The following NELL1 variants were observed in gnomAD, a reference collection of about 807,000 sequenced individuals.
NELL1 encodes the protein protein kinase C-binding protein NELL1.
In NELL1, 76 loss-of-function variants were observed where a neutral mutation model predicts 107.4. The ratio of observed to expected loss-of-function variants is 0.71; its 90% CI spans 0.59 to 0.86. NELL1 has a LOEUF of 0.86. Among genes scored for constraint, NELL1 ranks in the 40% least tolerant of loss-of-function variants. The pLI is 0.00. For missense variants in NELL1, 1,024 were observed against 1,005.5 expected (o/e 1.02, Z -0.25); for synonymous variants, 353 against 341.2 (o/e 1.03, Z -0.38).
At chr11:21,382,577 C>A (rs1449107934) in intron 15 of NELL1, among the ~76,000 whole-genome samples, 1 of 151,742 alleles carries the variant, frequency 6.6e-6, no homozygotes, top group Non-Finnish European at 1.5e-5. Context: ...TATATTATAT[C>A]AAGAATGGGG....
At chr11:20,872,565 A>G (rs1294583641) in intron 4 of NELL1, among the ~76,000 whole-genome samples, 3 of 152,094 alleles carry the variant, frequency 2.0e-5, no homozygotes, top group Non-Finnish European at 4.4e-5. Context: ...TGCCTAGTAA[A>G]GTTTGGGAAT....
intron 2 of NELL1, among the ~76,000 whole-genome samples, chr11:20,755,550 G>GTTGT (rs1856250187): frequency 8.7e-6 from 1 of 114,568 alleles, no homozygotes; most frequent in African/African-American, 4.5e-5. Context: ...GTTTTTTTTT[G>GTTGT]TTTTTGTTTT....
At chr11:21,410,790 G>C (rs892228392) in intron 15 of NELL1, among the ~76,000 whole-genome samples, 4 of 152,040 alleles carry the variant, frequency 2.6e-5, no homozygotes, top group African/African-American at 9.7e-5. Flanking sequence ...AGTGTGCCTG[G>C]TGAACTGCCT....
chr11:21,546,882 A>G lies in NELL1; in HGVS notation c.1786+12368A>G, dbSNP rs181822610. ...TGTGGGTTTATGAGCAGGGAATATT[A>G]AACTATAGTATTCAGACCAATTAAA... On this transcript the variant is annotated intron_variant, in intron 16 of 19. Transcript: ENST00000357134. Among the ~76,000 whole-genome samples the G allele has an allele frequency of 2.5e-4, 38 of 152,158 alleles. No individual in the cohort carries two copies. The East Asian group carries it at 7.2e-3, about 29-fold the overall frequency.
At chr11:21,529,731 A>G (rs1471843283) in intron 15 of NELL1, among the ~76,000 whole-genome samples, 1 of 152,042 alleles carries the variant, frequency 6.6e-6, no homozygotes, top group Non-Finnish European at 1.5e-5. Flanking sequence ...ATTATTATAT[A>G]TATTTTTATT....
chr11:20,983,041 C>T (rs1045956899), intron 12 of NELL1, among the ~76,000 whole-genome samples: 1 of 152,104 alleles, frequency 6.6e-6, no homozygotes, highest in African/African-American at 2.4e-5. Flanking sequence ...AAGAGACCTT[C>T]AGATCAGTAA....
intron 15 of NELL1, among the ~76,000 whole-genome samples, chr11:21,394,730 A>G (rs1851946243): frequency 6.6e-6 from 1 of 151,640 alleles, no homozygotes; most frequent in East Asian, 2.0e-4. Context: ...AGTCTCTACT[A>G]GTGTCACTAA....
chr11:21,313,938 A>T (rs916023915), intron 14 of NELL1, among the ~76,000 whole-genome samples: 6 of 145,414 alleles, frequency 4.1e-5, no homozygotes, highest in Admixed American at 1.4e-4. Context: ...TGTTCTTGTG[A>T]TAGTAAGTTC....
intron 2 of NELL1, among the ~76,000 whole-genome samples, chr11:20,778,123 G>T (rs1457069589): frequency 6.6e-6 from 1 of 152,152 alleles, no homozygotes; most frequent in Non-Finnish European, 1.5e-5. Flanking sequence ...CTCCTGCCTA[G>T]TAAGTGCTTA....
At chr11:21,380,600 C>T (rs1356044269) in intron 15 of NELL1, among the ~76,000 whole-genome samples, 2 of 152,084 alleles carry the variant, frequency 1.3e-5, no homozygotes, top group East Asian at 3.9e-4. Flanking sequence ...AGCATACTTC[C>T]CTTGGATGAA....
chr11:21,285,203 G>C (rs1204266386), intron 14 of NELL1, among the ~76,000 whole-genome samples: 1 of 152,086 alleles, frequency 6.6e-6, no homozygotes, highest in Non-Finnish European at 1.5e-5. Context: ...AATGAATTGA[G>C]GACATTCTTA....
At chr11:21,086,556 G>C in intron 12 of NELL1, among the ~76,000 whole-genome samples, 1 of 152,230 alleles carries the variant, frequency 6.6e-6, no homozygotes, top group Non-Finnish European at 1.5e-5. Context: ...ATTGGCTTCT[G>C]TCGTTGGATT....
intron 14 of NELL1, among the ~76,000 whole-genome samples, chr11:21,344,949 T>C (rs116435112): frequency 0.018 from 2,688 of 152,324 alleles, 72 homozygotes; most frequent in African/African-American, 0.06. Context: ...ATAATTTTTA[T>C]TGAAGTCTTT....
At chr11:21,559,196 G>C (rs1052755447) in intron 16 of NELL1, among the ~76,000 whole-genome samples, 1 of 152,086 alleles carries the variant, frequency 6.6e-6, no homozygotes, top group Non-Finnish European at 1.5e-5. Context: ...TGCATAGCAG[G>C]TAAACCAAAA....
chr11:20,674,431 G>A, intron 1 of NELL1: 1 of 1,347,998 alleles, frequency 7.4e-7, no homozygotes, highest in Non-Finnish European at 1.0e-6. Context: ...TGAGTCTGGT[G>A]TAACAGGTAC....
intron 15 of NELL1, among the ~76,000 whole-genome samples, chr11:21,493,566 A>C (rs1012174056): frequency 6.6e-6 from 1 of 152,058 alleles, no homozygotes; most frequent in Non-Finnish European, 1.5e-5. Flanking sequence ...TAGAGTATAG[A>C]ATGATAGATA....
Position 21,178,505 on chromosome 11 carries a change from A to C in NELL1, c.1427-50827A>C, listed in dbSNP as rs183737440. 8.6e-5 allele frequency among the ~76,000 whole-genome samples: 13 copies of C among 151,824 alleles called. No homozygotes were observed. In the East Asian group the frequency reaches 1.2e-3, roughly 14 times the overall value. On this transcript the variant is annotated intron_variant, in intron 13 of 19. Coordinates refer to ENST00000357134, the MANE Select transcript of NELL1 (RefSeq NM_006157.5). ...TCTTTGGGTGGGAATCGTAGCTCAC[A>C]CCTGTAATCTCAGCGCTTTGGGAGG...
intron 2 of NELL1, among the ~76,000 whole-genome samples, chr11:20,775,363 T>C (rs1042335016): frequency 3.3e-5 from 5 of 152,262 alleles, no homozygotes; most frequent in Non-Finnish European, 7.3e-5. Context: ...ATCATTATAT[T>C]ACAATATATA....
At chr11:20,999,744 C>T (rs1480695541) in intron 12 of NELL1, among the ~76,000 whole-genome samples, 2 of 148,366 alleles carry the variant, frequency 1.3e-5, no homozygotes, top group African/African-American at 2.5e-5. Flanking sequence ...GCCCCAACTT[C>T]GCTTGAGTCT....
Sources: gnomAD v4.1 joint callset for allele counts (sites outside exome capture counted in the v4.1 genomes callset) on GRCh38, gnomAD v4.1.1 for gene constraint, MANE v1.5 for transcripts, NCBI Gene and HGNC (gene_info 2026-07-23, HGNC 2026-07-21) for gene names.